CNTN1: variants seen among roughly 807,000 people sequenced by gnomAD.
CNTN1 encodes contactin-1.
Under a neutral mutation model 126.4 loss-of-function variants are expected in CNTN1, and 38 were observed. The ratio of observed to expected loss-of-function variants is 0.30; its 90% CI spans 0.23 to 0.39. The LOEUF is 0.39. Ranked by LOEUF, CNTN1 falls within the 10% of genes least tolerant of loss-of-function variation. The pLI is 1.00. For missense variants in CNTN1, 1,009 were observed against 1,248.4 expected (o/e 0.81, Z 2.89); for synonymous variants, 413 against 422.6 (o/e 0.98, Z 0.28).
At chr12:40,956,541 A>G (rs1946888372) in intron 14 of CNTN1, among the ~76,000 whole-genome samples, 1 of 152,010 alleles carries the variant, frequency 6.6e-6, no homozygotes, top group Admixed American at 6.6e-5. Flanking sequence ...TGAGGTTATG[A>G]GGGGTATGAA....
chr12:40,914,509 T>A (rs1184791064), intron 3 of CNTN1, among the ~76,000 whole-genome samples: 3 of 152,168 alleles, frequency 2.0e-5, no homozygotes, highest in African/African-American at 7.2e-5. Flanking sequence ...ATTATGTGAC[T>A]CAGGCTTGAA....
intron 2 of CNTN1, among the ~76,000 whole-genome samples, chr12:40,908,883 C>T (rs893056809): frequency 6.6e-6 from 1 of 152,026 alleles, no homozygotes; most frequent in Non-Finnish European, 1.5e-5. Context: ...TATAAGTAAC[C>T]ACAATGGCAA....
chr12:40,852,773 T>C (rs1942766815), intron 1 of CNTN1, among the ~76,000 whole-genome samples: 1 of 152,280 alleles, frequency 6.6e-6, no homozygotes, highest in Admixed American at 6.5e-5. Context: ...GTGAAAACTT[T>C]ATGTATCTCA....
At chr12:40,799,788 G>A (rs907791743) in intron 1 of CNTN1, among the ~76,000 whole-genome samples, 6 of 151,860 alleles carry the variant, frequency 4.0e-5, no homozygotes, top group African/African-American at 1.2e-4. Context: ...TGCTTGGTAC[G>A]TTTTTTTCAT....
At chr12:40,734,022 A>T (rs1942560620) in intron 1 of CNTN1, among the ~76,000 whole-genome samples, 1 of 152,106 alleles carries the variant, frequency 6.6e-6, no homozygotes, top group South Asian at 2.1e-4. Context: ...TGTAAAAAGT[A>T]AGTGTTGACT....
intron 1 of CNTN1, among the ~76,000 whole-genome samples, chr12:40,722,920 G>C (rs759211411): frequency 6.6e-6 from 1 of 152,014 alleles, no homozygotes; most frequent in African/African-American, 2.4e-5. Context: ...TAAAGGAAAG[G>C]TGTTTTGAAG....
At chr12:40,725,542 G>A (rs1166904791) in intron 1 of CNTN1, among the ~76,000 whole-genome samples, 1 of 151,578 alleles carries the variant, frequency 6.6e-6, no homozygotes, top group Non-Finnish European at 1.5e-5. Context: ...ATCCAGGAAT[G>A]TCTTTCTCAA....
intron 19 of CNTN1, among the ~76,000 whole-genome samples, chr12:41,017,605 A>G (rs748996308): frequency 6.6e-6 from 1 of 152,044 alleles, no homozygotes; most frequent in Non-Finnish European, 1.5e-5. Context: ...CCTGTAGGGC[A>G]TTTAGGAAAA....
intron 1 of CNTN1, among the ~76,000 whole-genome samples, chr12:40,903,262 G>T (rs11178970): frequency 0.032 from 4,869 of 152,182 alleles, 145 homozygotes; most frequent in African/African-American, 0.083. Context: ...TCAGGGAGCT[G>T]GCCAGCACAG....
intron 23 of CNTN1, among the ~76,000 whole-genome samples, chr12:41,050,493 A>G (rs1198588854): frequency 6.6e-6 from 1 of 151,948 alleles, no homozygotes; most frequent in Non-Finnish European, 1.5e-5. Flanking sequence ...TCTCATGAGA[A>G]CTCACTCACT....
chr12:40,709,071 G>C (rs942004059), intron 1 of CNTN1, among the ~76,000 whole-genome samples: 1 of 152,058 alleles, frequency 6.6e-6, no homozygotes, highest in African/African-American at 2.4e-5. Flanking sequence ...TCCATCAGAG[G>C]AATTAGTATC....
chr12:40,813,597 G>A (rs144662244), intron 1 of CNTN1, among the ~76,000 whole-genome samples: 3,470 of 152,078 alleles, frequency 0.023, 129 homozygotes, highest in African/African-American at 0.078. Context: ...TCTATCATTG[G>A]TGGGCATTTG....
chr12:40,767,612 TTTTGTTTG>T (rs59423116), intron 1 of CNTN1, among the ~76,000 whole-genome samples: 2,595 of 144,766 alleles, frequency 0.018, 37 homozygotes, highest in South Asian at 0.032. Flanking sequence ...CTGGCCCTTT[TTTTGTTTG>T]TTTGTTTGTT....
chr12:40,709,131 A>T (rs1327633292), intron 1 of CNTN1, among the ~76,000 whole-genome samples: 1 of 152,232 alleles, frequency 6.6e-6, no homozygotes, highest in African/African-American at 2.4e-5. Context: ...AAAAAACTTG[A>T]AAGTCAGAAT....
intron 1 of CNTN1, among the ~76,000 whole-genome samples, chr12:40,740,768 T>G (rs2136380897): frequency 6.6e-6 from 1 of 152,204 alleles, no homozygotes; most frequent in South Asian, 2.1e-4. Flanking sequence ...TCCCATGTTG[T>G]TCTCGTGATA....
chr12:40,796,672 G>A (rs1033218422), intron 1 of CNTN1, among the ~76,000 whole-genome samples: 5 of 152,224 alleles, frequency 3.3e-5, no homozygotes, highest in Non-Finnish European at 5.9e-5. Flanking sequence ...TAGGCATCTT[G>A]CAAGGTGGGA....
At chr12:40,892,658 T>A (rs1345965307) in intron 1 of CNTN1, among the ~76,000 whole-genome samples, 10 of 152,078 alleles carry the variant, frequency 6.6e-5, no homozygotes, top group Non-Finnish European at 2.9e-5. Context: ...ACATAACTTG[T>A]CCAAAAACTA....
intron 1 of CNTN1, among the ~76,000 whole-genome samples, chr12:40,780,136 G>C (rs1050089358): frequency 6.6e-6 from 1 of 151,794 alleles, no homozygotes; most frequent in Non-Finnish European, 1.5e-5. Context: ...TTGGAGATAC[G>C]GCTGATCAGT....
intron 1 of CNTN1, among the ~76,000 whole-genome samples, chr12:40,764,107 C>A (rs190169731): frequency 6.6e-6 from 1 of 152,230 alleles, no homozygotes; most frequent in Non-Finnish European, 1.5e-5. Flanking sequence ...TAAATTCAAA[C>A]TTAATAGAAG....
Sources: gnomAD v4.1 joint callset for allele counts (sites outside exome capture counted in the v4.1 genomes callset) on GRCh38, gnomAD v4.1.1 for gene constraint, MANE v1.5 for transcripts, NCBI Gene and HGNC (gene_info 2026-07-23, HGNC 2026-07-21) for gene names.